ITPKC: variants seen among roughly 807,000 people sequenced by gnomAD.
ITPKC encodes inositol-trisphosphate 3-kinase C, also known as IP3 3-kinase C.
A neutral mutation model predicts 67.1 loss-of-function variants in ITPKC; 33 were observed. That is an observed-to-expected ratio of 0.49 (90% CI 0.37 to 0.66). The LOEUF is 0.66. Among genes scored for constraint, ITPKC ranks in the 30% least tolerant of loss-of-function variants. The pLI, the probability that ITPKC is intolerant of heterozygous loss-of-function variation, is 0.00. For synonymous variants in ITPKC, 341 were observed against 359.8 expected, an observed-to-expected ratio of 0.95 and a Z score of 0.59; for missense variants, 820 against 892.1, an observed-to-expected ratio of 0.92 and a Z score of 1.03.
rs1488773789 is a variant in ITPKC, at chr19:40,733,185, A to C, written c.1495A>C (p.Lys499Gln). ...GACCTATCTGGAAGAGGAGCTAGTG[A>C]AGGCACGGGAACGTCCCCGTCCCCG... ...SRTYLEEELV[K>Q]ARERPRPRKD... Residue 499 changes from lysine (K) to glutamine (Q), a missense_variant, in exon 4 of 7, where the codon AAG (lysine) becomes CAG (glutamine). Lys to Gln is a moderately conservative substitution (Grantham distance 53). Transcript: ENST00000263370. The C allele has an allele frequency of 1.2e-6, 2 of 1,614,220 alleles. No homozygotes were observed.
intron 4 of ITPKC, among the ~76,000 whole-genome samples, chr19:40,733,854 C>T (rs2082282843): frequency 6.6e-6 from 1 of 152,094 alleles, no homozygotes; most frequent in South Asian, 2.1e-4. Context: ...AGGAGTAGTT[C>T]AGGACTAAGC....
intron 3 of ITPKC, among the ~76,000 whole-genome samples, chr19:40,731,612 T>TG (rs2082271479): frequency 1.4e-5 from 2 of 142,118 alleles, no homozygotes; most frequent in Admixed American, 7.0e-5. Context: ...TTTTTTTTTT[T>TG]TTTTTTTTGA....
rs2082300460 is a variant in ITPKC, at chr19:40,737,555, C to T, written c.1777-143C>T. On this transcript the variant is annotated intron_variant, in intron 5 of 6. Coordinates refer to ENST00000263370, the MANE Select transcript of ITPKC (RefSeq NM_025194.3). ...ATGAATCCAAGCCCTCACTCCTCTGCCCTGTCTTCCCCATGGCTCCCCTAT... is the reference window on the plus strand; with the variant it reads ...ATGAATCCAAGCCCTCACTCCTCTGTCCTGTCTTCCCCATGGCTCCCCTAT... 3 of 718,136 alleles carry T rather than the reference C, an allele frequency of 4.2e-6. No homozygotes were observed. In the South Asian group the frequency reaches 4.8e-5, roughly 11 times the overall value. 44.5% of individuals were successfully genotyped at this position (718,136 alleles called of 1,614,324 possible).
chr19:40,730,229 G>A (rs914236686), intron 3 of ITPKC, among the ~76,000 whole-genome samples: 8 of 151,958 alleles, frequency 5.3e-5, no homozygotes, highest in South Asian at 2.1e-4. Context: ...GAGCCACCAC[G>A]CCTAGTCTGC....
intron 2 of ITPKC, among the ~76,000 whole-genome samples, chr19:40,727,386 A>G (rs1477183096): frequency 6.6e-6 from 1 of 151,802 alleles, no homozygotes; most frequent in East Asian, 1.9e-4. Context: ...ACAAAACCCA[A>G]AAACCCCAAG....
chr19:40,726,738 G>A (rs1457279661), intron 2 of ITPKC, among the ~76,000 whole-genome samples: 1 of 152,156 alleles, frequency 6.6e-6, no homozygotes, highest in African/African-American at 2.4e-5. Context: ...CTATTGCTGA[G>A]TTTATTAAAA....
chr19:40,737,870 G>C, intron 6 of ITPKC, 101 bp downstream of exon 6: 1 of 1,055,432 alleles, frequency 9.5e-7, no homozygotes, highest in East Asian at 2.4e-5. Context: ...ATAAAAAGGG[G>C]CTGGGCGTTG....
chr19:40,717,140 G>C lies in ITPKC; in HGVS notation c.5G>C (p.Arg2Thr). The change falls in exon 1 of 7, where the codon AGG becomes ACG. Residue 2 changes from arginine to threonine, a missense_variant. By Grantham distance (71) the Arg-to-Thr change is moderately conservative (BLOSUM62 -1). Transcript: ENST00000263370. ...GCCCGAACCGAAGGAGCGGGCATGA[G>C]GCGCTGCCCGTGCCGTGGGAGCCTG... M[R>T]RCPCRGSLNE... 2 of 1,226,850 alleles carry C rather than the reference G, an allele frequency of 1.6e-6. No individual in the cohort carries two copies. The highest frequency in any genetic ancestry group is 2.0e-6 in the Non-Finnish European group (2 of 984,884). 76.0% of individuals were successfully genotyped at this position (1,226,850 alleles called of 1,614,324 possible). A position where few individuals can be genotyped will look rare whatever the true frequency, so the allele number is the denominator to read the frequency against.
chr19:40,717,264 G>A lies in ITPKC; in HGVS notation c.129G>A (p.Gly43=), dbSNP rs778372145. 1.4e-6 allele frequency: 2 copies of A among 1,397,506 alleles called. No individual in the cohort carries two copies. Among genetic ancestry groups the A allele is most frequent in the Non-Finnish European group, 1.8e-6 (2 of 1,082,138 alleles). 86.6% of individuals were successfully genotyped at this position (1,397,506 alleles called of 1,614,324 possible). ...GGCAGCCGGGACAGCAGCGACCTGGGCCCGGCGCAGGGGCCCCGGCGGGGC... is the reference window on the plus strand; with the variant it reads ...GGCAGCCGGGACAGCAGCGACCTGGACCCGGCGCAGGGGCCCCGGCGGGGC... ...RRRQPGQQRP[G]PGAGAPAGRP... is the part of the protein sequence containing the mutation. The change falls in exon 1 of 7, where the codon GGG becomes GGA. Residue 43 remains glycine (G), a synonymous_variant. Coordinates refer to ENST00000263370, the MANE Select transcript of ITPKC (RefSeq NM_025194.3).
intron 3 of ITPKC, among the ~76,000 whole-genome samples, chr19:40,731,181 G>A (rs538288285): frequency 6.6e-6 from 1 of 152,162 alleles, no homozygotes; most frequent in Admixed American, 6.5e-5. Context: ...ACCGGTCCAT[G>A]GCCTCTTAGG....
In ITPKC at chr19:40,737,347, G is replaced by C. The variant is rs79267702; in HGVS notation, c.1776+260G>C. Among the ~76,000 whole-genome samples, 5 of 152,368 alleles carry C rather than the reference G, an allele frequency of 3.3e-5. No individual in the cohort carries two copies. In the East Asian group the frequency reaches 9.6e-4, roughly 29 times the overall value. On this transcript the variant is annotated intron_variant, in intron 5 of 6. Coordinates refer to ENST00000263370, the MANE Select transcript of ITPKC (RefSeq NM_025194.3). ...GGGCTTGCTCTCACAGTGGAGGCAG[G>C]GGGCCAAGAGAACAAGTAAAAATGC...
intron 3 of ITPKC, among the ~76,000 whole-genome samples, chr19:40,732,885 C>G (rs1196598713): frequency 1.3e-5 from 2 of 152,154 alleles, no homozygotes; most frequent in African/African-American, 2.4e-5. Flanking sequence ...ATTAATGTTT[C>G]TGTGTGTGGG....
chr19:40,734,437 C>A (rs2082285480), intron 4 of ITPKC, among the ~76,000 whole-genome samples: 2 of 152,156 alleles, frequency 1.3e-5, no homozygotes, highest in Non-Finnish European at 2.9e-5. Context: ...CAAACTTCCA[C>A]TCTCGGTGTT....
chr19:40,719,256 C>CGTGCCT (rs1011941667), intron 1 of ITPKC, among the ~76,000 whole-genome samples: 2 of 152,132 alleles, frequency 1.3e-5, no homozygotes, highest in African/African-American at 4.8e-5. Flanking sequence ...CCTGCCTTGA[C>CGTGCCT]GTGCCTGTGC....
Position 40,733,370 on chromosome 19 carries a change from G to C in ITPKC, c.1674+6G>C, listed in dbSNP as rs2082280738. 6.2e-7 allele frequency: 1 copy of C among 1,603,570 alleles called. No homozygotes were observed. Among genetic ancestry groups the C allele is most frequent in the Middle Eastern group, 1.7e-4 (1 of 5,974 alleles). On this transcript the variant is annotated splice_donor_region_variant and intron_variant, in intron 4 of 6. Transcript: ENST00000263370. ...TCCGGATCGAGGGCATCAAGGTGAG[G>C]ACCAGGAACCGCCTGGCCTGTCCCG...
rs572157061 is a variant in ITPKC, at chr19:40,738,917, G to A, written c.1849-440G>A. 3.5e-4 allele frequency among the ~76,000 whole-genome samples: 54 copies of A among 152,240 alleles called. 1 individual carries two copies. In the South Asian group the frequency reaches 0.011, roughly 30 times the overall value. On this transcript the variant is annotated intron_variant, in intron 6 of 6. Coordinates refer to ENST00000263370, the MANE Select transcript of ITPKC (RefSeq NM_025194.3). ...GATGGCTCCTAGGTGACTAGTGGGT[G>A]GGTTGCGGATACAGCATAGACTTGC...
intron 1 of ITPKC, among the ~76,000 whole-genome samples, chr19:40,724,846 G>T (rs1050454243): frequency 7.9e-5 from 12 of 151,890 alleles, no homozygotes; most frequent in Non-Finnish European, 1.6e-4. Context: ...CTACTCGGAG[G>T]GTGAGGCAGG....
chr19:40,736,513 G>GTT (rs3842411), intron 4 of ITPKC, among the ~76,000 whole-genome samples: 7 of 151,252 alleles, frequency 4.6e-5, no homozygotes, highest in African/African-American at 9.7e-5. Context: ...CTGGGAAGTT[G>GTT]TTTTTTTTGA....
intron 2 of ITPKC, 105 bp from the exon 3 acceptor site, chr19:40,729,097 T>G: frequency 1.2e-6 from 1 of 808,252 alleles, no homozygotes; most frequent in Non-Finnish European, 2.1e-6. Context: ...TGCAGGAGGG[T>G]CGGGCAAGAT....
Sources: gnomAD v4.1 joint callset for allele counts (sites outside exome capture counted in the v4.1 genomes callset) on GRCh38, gnomAD v4.1.1 for gene constraint, MANE v1.5 for transcripts, NCBI Gene and HGNC (gene_info 2026-07-23, HGNC 2026-07-21) for gene names.